Variants in CNST observed in about 807,000 individuals in gnomAD.
CNST encodes the protein consortin, connexin sorting protein, also known as consortin.
In CNST, 39 loss-of-function variants were observed where a neutral mutation model predicts 72.4. That is an observed-to-expected ratio of 0.54 (90% CI 0.42 to 0.70). The LOEUF (loss-of-function observed/expected upper bound fraction) is 0.70, where lower values mean the gene tolerates loss of function less well. Ranked by LOEUF, CNST falls within the 30% of genes least tolerant of loss-of-function variation. CNST has a pLI of 0.00. For synonymous variants in CNST, 332 were observed against 320.1 expected, an observed-to-expected ratio of 1.04 and a Z score of -0.40; for missense variants, 871 against 868.5, an observed-to-expected ratio of 1.00 and a Z score of -0.04.
chr1:246,633,913 G>A lies in CNST; in HGVS notation c.617-11G>A. On this transcript the variant is annotated splice_polypyrimidine_tract_variant and intron_variant, in intron 4 of 10. Coordinates refer to ENST00000366513, the MANE Select transcript of CNST (RefSeq NM_152609.3). ...GTGTGGATTTCTATTTTCCTTAAAT[G>A]TTCTATTCAGATGAGAAAGCAATGA... 2 of 1,559,796 alleles carry A rather than the reference G, an allele frequency of 1.3e-6. No homozygotes were observed. Among genetic ancestry groups the A allele is most frequent in the Non-Finnish European group, 1.8e-6 (2 of 1,130,594 alleles).
At chr1:246,606,708 G>A (rs1662856867) in intron 2 of CNST, 1 of 151,644 alleles carries the variant, frequency 6.6e-6, no homozygotes, top group South Asian at 2.1e-4. Flanking sequence ...GAGGCCACTC[G>A]TCCTCTCACG....
intron 2 of CNST, chr1:246,607,486 C>G (rs560563670): frequency 3.9e-5 from 6 of 152,360 alleles, no homozygotes; most frequent in Non-Finnish European, 7.3e-5. Flanking sequence ...CGCCAACAGA[C>G]AGCACAAGGC....
chr1:246,571,536 T>A (rs1166765689), intron 1 of CNST, among the ~76,000 whole-genome samples: 1 of 152,184 alleles, frequency 6.6e-6, no homozygotes, highest in Non-Finnish European at 1.5e-5. Context: ...CACCCTTCCG[T>A]CTCTTAGGAC....
chr1:246,652,910 AG>A (rs1666558684), intron 9 of CNST, among the ~76,000 whole-genome samples: 1 of 141,268 alleles, frequency 7.1e-6, no homozygotes, highest in Non-Finnish European at 1.6e-5. Context: ...AGGCTGAGGC[AG>A]GAGAATGGCG....
intron 1 of CNST, among the ~76,000 whole-genome samples, chr1:246,572,087 G>GCCA (rs1660101874): frequency 6.6e-6 from 1 of 152,092 alleles, no homozygotes; most frequent in Non-Finnish European, 1.5e-5. Context: ...GCCAGTCACA[G>GCCA]CCATGCCTGG....
chr1:246,593,645 G>A (rs1406752219), intron 2 of CNST, among the ~76,000 whole-genome samples: 1 of 152,086 alleles, frequency 6.6e-6, no homozygotes, highest in Non-Finnish European at 1.5e-5. Context: ...CCCAGCAAAA[G>A]CATTTCTTAA....
At position 246,665,754 on chromosome 1, in the gene CNST, T is replaced by C. The variant is rs1360698028; in HGVS notation, c.2027T>C (p.Val676Ala). Residue 676 changes from valine (V) to alanine (A), a missense_variant, in exon 11 of 11, where the codon GTT (valine) becomes GCT (alanine). Val to Ala is a moderately conservative substitution (Grantham distance 64). Coordinates refer to ENST00000366513, the MANE Select transcript of CNST (RefSeq NM_152609.3). ...ILLVLLCIATVFLSVGGTALY... is the reference protein window; with the variant it reads ...ILLVLLCIATAFLSVGGTALY... The stretch of plus-strand genomic sequence containing the variant: ...CTGGTCTTGCTGTGCATAGCAACGG[T>C]TTTCCTCAGTGTTGGAGGAACTGCA... 6 of 1,613,772 alleles carry C rather than the reference T, an allele frequency of 3.7e-6. No homozygotes were observed. In the South Asian group the frequency reaches 6.6e-5, roughly 18 times the overall value.
chr1:246,571,392 C>CT (rs1660059044), intron 1 of CNST, among the ~76,000 whole-genome samples: 1 of 152,166 alleles, frequency 6.6e-6, no homozygotes, highest in Non-Finnish European at 1.5e-5. Flanking sequence ...TCAAGTGATC[C>CT]GCCCACCTCA....
At chr1:246,599,231 G>T (rs1208770075) in intron 2 of CNST, among the ~76,000 whole-genome samples, 1 of 150,994 alleles carries the variant, frequency 6.6e-6, no homozygotes, top group Non-Finnish European at 1.5e-5. Context: ...ATTGCTACTG[G>T]AACAAGTTAT....
rs756496064 is a variant in CNST at position 246,633,977 on chromosome 1, C to G, written c.670C>G (p.Leu224Val). The change falls in exon 5 of 11, where the codon CTC becomes GTC. Residue 224 changes from leucine (L) to valine (V), a missense_variant. Coordinates refer to ENST00000366513, the MANE Select transcript of CNST (RefSeq NM_152609.3). ...QLERLYHEQL[L>V]ANLSAIQEQW... The stretch of plus-strand genomic sequence containing the variant: ...AGAACGATTGTATCATGAGCAATTG[C>G]TCGCAAATCTTTCTGCCATTCAAGA... 1.1e-5 allele frequency: 17 copies of G among 1,613,066 alleles called. No homozygotes were observed. The highest frequency in any genetic ancestry group is 1.4e-5 in the Non-Finnish European group (16 of 1,179,068).
At position 246,656,564 on chromosome 1, in the gene CNST, GT is replaced by G. The variant is rs573059362; in HGVS notation, c.1837-3631del. On this transcript the variant is annotated intron_variant, in intron 9 of 10. Coordinates refer to ENST00000366513, the MANE Select transcript of CNST (RefSeq NM_152609.3). The stretch of plus-strand genomic sequence containing the variant: ...CAATTGAAGTGGGAAACTAAATTTA[GT>G]TTTAAGGCTTTATTTTTTGAGATTT... Among the ~76,000 whole-genome samples the G allele has an allele frequency of 3.8e-3, 577 of 152,232 alleles. 4 individuals carry two copies. The highest frequency in any genetic ancestry group is 6.2e-3 in the Non-Finnish European group (419 of 68,016).
At chr1:246,636,080 G>C (rs369757783) in intron 6 of CNST, among the ~76,000 whole-genome samples, 1 of 152,212 alleles carries the variant, frequency 6.6e-6, no homozygotes, top group Admixed American at 6.5e-5. Context: ...CTTAGGCAGG[G>C]GTATGCGGCA....
At chr1:246,636,946 C>G (rs1044133346) in intron 6 of CNST, among the ~76,000 whole-genome samples, 2 of 152,032 alleles carry the variant, frequency 1.3e-5, no homozygotes, top group African/African-American at 4.8e-5. Flanking sequence ...GGCAGCAGGG[C>G]GGCTACTGAC....
intron 8 of CNST, among the ~76,000 whole-genome samples, chr1:246,645,576 C>T (rs1309026808): frequency 4.6e-5 from 7 of 151,632 alleles, no homozygotes; most frequent in South Asian, 4.2e-4. Context: ...TACAGGCGCC[C>T]GCCACCGCGC....
intron 6 of CNST, among the ~76,000 whole-genome samples, chr1:246,635,767 G>C (rs150285114): frequency 6.6e-6 from 1 of 152,164 alleles, no homozygotes. Context: ...CGATAACCCC[G>C]TGAACCATCC....
intron 1 of CNST, among the ~76,000 whole-genome samples, chr1:246,570,916 T>G (rs1052294859): frequency 6.6e-6 from 1 of 152,206 alleles, no homozygotes; most frequent in African/African-American, 2.4e-5. Flanking sequence ...AAATTCTAAC[T>G]TAATATATGT....
intron 1 of CNST, among the ~76,000 whole-genome samples, chr1:246,582,669 C>T (rs529882640): frequency 1.3e-5 from 2 of 152,106 alleles, no homozygotes; most frequent in African/African-American, 2.4e-5. Flanking sequence ...TTATCAGGCT[C>T]GTCACTACTT....
chr1:246,662,455 C>T (rs916157527), intron 10 of CNST, among the ~76,000 whole-genome samples: 1 of 152,192 alleles, frequency 6.6e-6, no homozygotes, highest in African/African-American at 2.4e-5. Context: ...GTGGTGCGAT[C>T]TTGGCTCGCT....
chr1:246,629,588 A>G (rs1664647718), intron 3 of CNST, among the ~76,000 whole-genome samples: 2 of 152,252 alleles, frequency 1.3e-5, no homozygotes, highest in South Asian at 2.1e-4. Flanking sequence ...ATTTTGCACA[A>G]ATGCAAAAAG....
Sources: allele counts gnomAD v4.1 joint callset (sites outside exome capture counted in the v4.1 genomes callset), GRCh38; gene constraint gnomAD v4.1.1; transcripts MANE v1.5; gene names NCBI Gene and HGNC (gene_info 2026-07-23, HGNC 2026-07-21).